The following CRISPLD2 variants were observed in gnomAD, a reference collection of about 807,000 sequenced individuals.
CRISPLD2 encodes cysteine rich secretory protein LCCL domain containing 2.
A neutral mutation model predicts 71.1 loss-of-function variants in CRISPLD2; 47 were observed. That is an observed-to-expected ratio of 0.66 (90% CI 0.52 to 0.84). The LOEUF is 0.84. Among genes scored for constraint, CRISPLD2 ranks in the 40% least tolerant of loss-of-function variants. The pLI is 0.00. For synonymous variants in CRISPLD2, 317 were observed against 250.1 expected (o/e 1.27, Z -2.52); for missense variants, 830 against 651.1 (o/e 1.27, Z -2.99).
At chr16:84,893,215 C>T (rs1162016771) in intron 14 of CRISPLD2, among the ~76,000 whole-genome samples, 1 of 152,140 alleles carries the variant, frequency 6.6e-6, no homozygotes, top group Non-Finnish European at 1.5e-5. Flanking sequence ...TTGGCAGCTC[C>T]TCTCTCTAAT....
Position 84,855,527 on chromosome 16 carries a change from A to T in CRISPLD2, c.709+698A>T, listed in dbSNP as rs188479699. ...TCTGCCTGCTTTATATCCTAGCTGC[A>T]CTGGCAGCTGATTAGTTGGTGCCCA... On this transcript the variant is annotated intron_variant, in intron 6 of 14. Coordinates refer to ENST00000262424, the MANE Select transcript of CRISPLD2 (RefSeq NM_031476.4). Among the ~76,000 whole-genome samples the T allele has an allele frequency of 2.7e-3, 403 of 149,710 alleles. 1 individual carries two copies. The highest frequency in any genetic ancestry group is 9.3e-3 in the African/African-American group (386 of 41,332).
chr16:84,852,510 G>A (rs1005125288), intron 5 of CRISPLD2, among the ~76,000 whole-genome samples: 2 of 152,232 alleles, frequency 1.3e-5, no homozygotes, highest in African/African-American at 4.8e-5. Flanking sequence ...CCGTGGTGTT[G>A]CGTGATCACC....
At chr16:84,866,256 G>T (rs1318715268) in intron 6 of CRISPLD2, among the ~76,000 whole-genome samples, 2 of 140,024 alleles carry the variant, frequency 1.4e-5, no homozygotes, top group Admixed American at 7.5e-5. Flanking sequence ...TTTTTGAGAT[G>T]GAGTTTCGCT....
intron 13 of CRISPLD2, among the ~76,000 whole-genome samples, chr16:84,885,059 T>C (rs1011874000): frequency 1.9e-4 from 29 of 152,336 alleles, no homozygotes; most frequent in Admixed American, 7.2e-4. Context: ...TTGTTGTTGT[T>C]GTTGGAAATG....
At chr16:84,897,912 C>T (rs943335931) in intron 14 of CRISPLD2, among the ~76,000 whole-genome samples, 3 of 152,326 alleles carry the variant, frequency 2.0e-5, no homozygotes, top group East Asian at 1.9e-4. Context: ...CTACCACACC[C>T]GGCTTAAACA....
At chr16:84,887,064 T>A (rs575794676) in intron 13 of CRISPLD2, among the ~76,000 whole-genome samples, 1 of 152,236 alleles carries the variant, frequency 6.6e-6, no homozygotes, top group South Asian at 2.1e-4. Context: ...AGCTTCATCT[T>A]CTCCACCATG....
At chr16:84,826,356 C>G (rs1410627647) in intron 1 of CRISPLD2, among the ~76,000 whole-genome samples, 1 of 152,248 alleles carries the variant, frequency 6.6e-6, no homozygotes, top group Non-Finnish European at 1.5e-5. Context: ...TGTGCTGAAG[C>G]TGTGACGCCC....
At chr16:84,887,211 C>G (rs867116848) in intron 13 of CRISPLD2, among the ~76,000 whole-genome samples, 18 of 152,212 alleles carry the variant, frequency 1.2e-4, no homozygotes, top group African/African-American at 4.3e-4. Context: ...GCCCCGCCCT[C>G]CTGCTGAGTG....
At chr16:84,853,926 G>A (rs8048474) in intron 5 of CRISPLD2, among the ~76,000 whole-genome samples, 2,291 of 152,332 alleles carry the variant, frequency 0.015, 58 homozygotes, top group African/African-American at 0.052. Flanking sequence ...GCTCTTCACA[G>A]CCCAGGAGCC....
chr16:84,894,032 A>T (rs2071684888), intron 14 of CRISPLD2, among the ~76,000 whole-genome samples: 3 of 152,096 alleles, frequency 2.0e-5, no homozygotes, highest in Admixed American at 2.0e-4. Flanking sequence ...AAACCCCCAA[A>T]CAGGATTCTC....
intron 6 of CRISPLD2, among the ~76,000 whole-genome samples, chr16:84,859,088 T>A (rs1388360770): frequency 2.0e-5 from 3 of 152,228 alleles, no homozygotes; most frequent in African/African-American, 4.8e-5. Context: ...GATTTACTAT[T>A]TTTCTAGGTA....
At chr16:84,842,364 CT>C in intron 2 of CRISPLD2, 1 of 93,914 alleles carries the variant, frequency 1.1e-5, no homozygotes, top group African/African-American at 3.4e-5. Context: ...TCTTTCCTTC[CT>C]TTCTTTCTTT....
chr16:84,863,972 A>G (rs560427254), intron 6 of CRISPLD2, among the ~76,000 whole-genome samples: 1,624 of 148,710 alleles, frequency 0.011, 22 homozygotes, highest in African/African-American at 0.035. Context: ...AAAAAAAAAA[A>G]AAAGAAAGAA....
At chr16:84,879,885 A>G (rs116347857) in intron 12 of CRISPLD2, among the ~76,000 whole-genome samples, 124 of 152,272 alleles carry the variant, frequency 8.1e-4, no homozygotes, top group African/African-American at 2.9e-3. Flanking sequence ...AACACAGAAG[A>G]TCTTTTCTTA....
chr16:84,857,240 C>G (rs981637760), intron 6 of CRISPLD2, among the ~76,000 whole-genome samples: 1 of 152,212 alleles, frequency 6.6e-6, no homozygotes, highest in African/African-American at 2.4e-5. Flanking sequence ...GTTCATGGGC[C>G]CATTGGGCGA....
At chr16:84,864,388 T>C (rs987092552) in intron 6 of CRISPLD2, among the ~76,000 whole-genome samples, 1 of 152,182 alleles carries the variant, frequency 6.6e-6, no homozygotes, top group Non-Finnish European at 1.5e-5. Context: ...TGTCTTCGGC[T>C]AAATAAAGCT....
At chr16:84,854,676 C>T (rs574737088) in intron 5 of CRISPLD2, 53 bp from the exon 6 acceptor site, 21 of 1,344,280 alleles carry the variant, frequency 1.6e-5, no homozygotes, top group East Asian at 2.3e-5. Flanking sequence ...GGATCAGTCC[C>T]GAGGCCTCAC....
At chr16:84,833,891 G>C (rs987570440) in intron 1 of CRISPLD2, among the ~76,000 whole-genome samples, 1 of 152,198 alleles carries the variant, frequency 6.6e-6, no homozygotes, top group African/African-American at 2.4e-5. Flanking sequence ...AGGCAGAAGA[G>C]GGTGGAAGAG....
At chr16:84,851,323 G>T (rs1329669353) in intron 5 of CRISPLD2, among the ~76,000 whole-genome samples, 1 of 152,236 alleles carries the variant, frequency 6.6e-6, no homozygotes, top group Non-Finnish European at 1.5e-5. Context: ...GTGGTGTCCA[G>T]CCCTTGACTC....
Sources: allele counts gnomAD v4.1 joint callset (sites outside exome capture counted in the v4.1 genomes callset), GRCh38; gene constraint gnomAD v4.1.1; transcripts MANE v1.5; gene names NCBI Gene and HGNC (gene_info 2026-07-23, HGNC 2026-07-21).